The following SHROOM4 variants were observed in gnomAD, a reference collection of about 807,000 sequenced individuals.
The protein encoded by SHROOM4 is protein Shroom4.
In SHROOM4, 17 loss-of-function variants were observed where a neutral mutation model predicts 80.3. That is an observed-to-expected ratio of 0.21 (90% confidence interval 0.14 to 0.32). The LOEUF (loss-of-function observed/expected upper bound fraction) is 0.32. Among genes scored for constraint, SHROOM4 ranks in the 10% least tolerant of loss-of-function variants. SHROOM4 has a pLI of 1.00. For synonymous variants in SHROOM4, 400 were observed against 437.5 expected, an observed-to-expected ratio of 0.91 and a Z score of 1.07; for missense variants, 993 against 1,140.3, an observed-to-expected ratio of 0.87 and a Z score of 1.86.
rs188598313 is a variant in SHROOM4 at position 50,763,233 on chromosome X, T to G, written c.117+50669A>C. Among the ~76,000 whole-genome samples, 8 of 111,854 alleles carry G rather than the reference T, an allele frequency of 7.2e-5. No individual in the cohort carries two copies. In the East Asian group the frequency reaches 2.0e-3, roughly 27 times the overall value. Reference sequence around the variant, plus strand: ...AATTTACAACTCCAGAATTTTCATTTGATTTTTCTTCTATAATTTCTCTCT... The same window carrying G: ...AATTTACAACTCCAGAATTTTCATTGGATTTTTCTTCTATAATTTCTCTCT... On this transcript the variant is annotated intron_variant, in intron 1 of 8. Transcript: ENST00000376020.
Position 50,598,140 on chromosome X carries a change from CA to C in SHROOM4, c.4212+125del, listed in dbSNP as rs782404428. On this transcript the variant is annotated intron_variant, in intron 8 of 8. Coordinates refer to ENST00000376020, the MANE Select transcript of SHROOM4 (RefSeq NM_020717.5). ...AGACATGAGCCACCGTGCCCATCCT[CA>C]GTGCTCACATGCTTTTAATCCCATG... The C allele has an allele frequency of 6.3e-6, 6 of 952,451 alleles. No individual in the cohort carries two copies. The East Asian group carries it at 1.6e-4, about 25-fold the overall frequency. The allele number at this position is 952,451 out of a possible 1,213,427, so 78.5% of individuals were successfully genotyped here.
At position 50,638,358 on chromosome X, in the gene SHROOM4, T is replaced by C. The variant is rs1557256564; in HGVS notation, c.270-50A>G. The C allele has an allele frequency of 2.5e-6, 3 of 1,203,858 alleles. No homozygotes were observed. In the Admixed American group the frequency reaches 6.5e-5, roughly 26 times the overall value. On this transcript the variant is annotated intron_variant, in intron 2 of 8. Transcript: ENST00000376020. ...TGGGCTGAAGGAACCAGAGCTGAAATCACTTCCCAGGCAGCTTCCGCCCCA... is the reference window on the plus strand; with the variant it reads ...TGGGCTGAAGGAACCAGAGCTGAAACCACTTCCCAGGCAGCTTCCGCCCCA...
chrX:50,634,970 C>A lies in SHROOM4; in HGVS notation c.1103G>T (p.Gly368Val). 8.3e-7 allele frequency: 1 copy of A among 1,211,955 alleles called. No homozygotes were observed. Among genetic ancestry groups the A allele is most frequent in the Non-Finnish European group, 1.1e-6 (1 of 895,555 alleles). The change falls in exon 4 of 9, where the codon GGA (glycine) becomes GTA (valine). Residue 368 changes from glycine (G) to valine (V), a missense_variant. Transcript: ENST00000376020. Reference sequence around the variant, plus strand: ...AGCTCTGTCACAGGCTTTTGGGGATCCAACAGCTTTGGTTGAGGCCTGCAT... The same window carrying A: ...AGCTCTGTCACAGGCTTTTGGGGATACAACAGCTTTGGTTGAGGCCTGCAT... ...LLMQASTKAV[G>V]SPKACDRASS...
chrX:50,809,746 G>A (rs1557273269), intron 1 of SHROOM4, among the ~76,000 whole-genome samples: 3 of 111,877 alleles, frequency 2.7e-5, no homozygotes, highest in African/African-American at 6.5e-5. Context: ...CCAAGAAAAG[G>A]GAAAATATGT....
At chrX:50,788,604 T>C (rs1186098911) in intron 1 of SHROOM4, among the ~76,000 whole-genome samples, 5 of 94,184 alleles carry the variant, frequency 5.3e-5, no homozygotes, top group African/African-American at 2.3e-4. Context: ...CGAGACTCCG[T>C]CTCAAAAAAA....
chrX:50,725,527 T>A (rs1755825823), intron 1 of SHROOM4, among the ~76,000 whole-genome samples: 1 of 112,460 alleles, frequency 8.9e-6, no homozygotes, highest in Non-Finnish European at 1.9e-5. Flanking sequence ...GGGAGGGACC[T>A]GGTGGGAGGT....
At chrX:50,602,017 T>C (rs1929437289) in intron 7 of SHROOM4, among the ~76,000 whole-genome samples, 1 of 111,762 alleles carries the variant, frequency 8.9e-6, no homozygotes, top group African/African-American at 3.3e-5. Flanking sequence ...CTGTAATCCC[T>C]GGGCAAATTC....
chrX:50,674,763 C>T (rs1557261137), intron 2 of SHROOM4, among the ~76,000 whole-genome samples: 1 of 111,666 alleles, frequency 9.0e-6, no homozygotes. Flanking sequence ...ATCATTCATT[C>T]CTTCATTAAT....
intron 1 of SHROOM4, among the ~76,000 whole-genome samples, chrX:50,721,450 T>C (rs1241552514): frequency 8.9e-6 from 1 of 112,208 alleles, no homozygotes; most frequent in Non-Finnish European, 1.9e-5. Flanking sequence ...TGTCCTGATG[T>C]TGCCATGGCA....
At chrX:50,777,140 G>A (rs1198564262) in intron 1 of SHROOM4, among the ~76,000 whole-genome samples, 1 of 111,589 alleles carries the variant, frequency 9.0e-6, no homozygotes, top group Non-Finnish European at 1.9e-5. Context: ...AGTCACACCT[G>A]TTGCTGATGG....
intron 2 of SHROOM4, among the ~76,000 whole-genome samples, chrX:50,666,786 G>T (rs1557260385): frequency 3.6e-5 from 4 of 110,792 alleles, no homozygotes; most frequent in Admixed American, 2.9e-4. Flanking sequence ...TTCAATGTGT[G>T]TAAATTTAAA....
intron 1 of SHROOM4, among the ~76,000 whole-genome samples, chrX:50,726,093 G>A (rs183287738): frequency 3.3e-4 from 37 of 112,117 alleles, no homozygotes; most frequent in African/African-American, 1.1e-3. Flanking sequence ...ATGCTTTAGC[G>A]AAGAGACTGG....
chrX:50,630,646 C>T (rs782771535), intron 4 of SHROOM4, among the ~76,000 whole-genome samples: 18 of 111,441 alleles, frequency 1.6e-4, no homozygotes, highest in Non-Finnish European at 2.8e-4. Flanking sequence ...ATATACCCAG[C>T]ACCTAGATTC....
chrX:50,596,228 A>G lies in SHROOM4; in HGVS notation c.*467T>C, dbSNP rs1254450202. The G allele has an allele frequency of 1.5e-5, 5 of 332,452 alleles. No individual in the cohort carries two copies. The East Asian group carries it at 3.9e-4, about 26-fold the overall frequency. 27.4% of individuals were successfully genotyped at this position (332,452 alleles called of 1,213,427 possible). A position where few individuals can be genotyped will look rare whatever the true frequency, so the allele number is the denominator to read the frequency against. ...TGGGTGAGGCCCTGAAACTGGTGCCAGGTGAATGCCCTCAAGGCAGCCAGC... is the reference window on the plus strand; with the variant it reads ...TGGGTGAGGCCCTGAAACTGGTGCCGGGTGAATGCCCTCAAGGCAGCCAGC... On this transcript the variant is annotated 3_prime_UTR_variant, in exon 9 of 9. Coordinates refer to ENST00000376020, the MANE Select transcript of SHROOM4 (RefSeq NM_020717.5).
In SHROOM4 at chrX:50,604,384, T is replaced by C. The variant is rs1409028668; in HGVS notation, c.3762-1571A>G. ...TTCCTCAAGGTCACCAGACATTAAA[T>C]GACAGACCTGCAATTTGCACCTGGA... On this transcript the variant is annotated intron_variant, in intron 6 of 8. Transcript: ENST00000376020. Among the ~76,000 whole-genome samples the C allele has an allele frequency of 2.7e-5, 3 of 111,993 alleles. No homozygotes were observed. In the Admixed American group the frequency reaches 2.8e-4, roughly 11 times the overall value.
In SHROOM4 at chrX:50,634,091, C is replaced by T; in HGVS notation, c.1982G>A (p.Arg661Lys). ...DKLFNKSMML[R>K]ARSSECLSQA... ...GCTGAGGCACTCGGAAGACCTAGCT[C>T]TGAGCATCATGCTTTTGTTGAAGAG... is the stretch of plus-strand genomic sequence containing the variant. Residue 661 changes from arginine (R) to lysine (K), a missense_variant, in exon 4 of 9, where the codon AGA becomes AAA. Transcript: ENST00000376020. 3 of 1,211,762 alleles carry T rather than the reference C, an allele frequency of 2.5e-6. No individual in the cohort carries two copies.
rs782314756 is a variant in SHROOM4, at chrX:50,633,293, T to C, written c.2780A>G (p.His927Arg). Residue 927 changes from histidine to arginine, a missense_variant, in exon 4 of 9, where the codon CAC becomes CGC. His to Arg is a conservative substitution (Grantham distance 29). Transcript: ENST00000376020. ...MMPNCYNCRC[H>R]HHQCIRCSVC... ...TGAACACCGAATGCATTGGTGGTGGTGGCACCGGCAGTTGTAGCAATTTGG... is the reference window on the plus strand; with the variant it reads ...TGAACACCGAATGCATTGGTGGTGGCGGCACCGGCAGTTGTAGCAATTTGG... The C allele has an allele frequency of 4.1e-6, 5 of 1,211,022 alleles. No individual in the cohort carries two copies. The highest frequency in any genetic ancestry group is 5.6e-6 in the Non-Finnish European group (5 of 895,265).
chrX:50,776,679 CT>C (rs781943189), intron 1 of SHROOM4, among the ~76,000 whole-genome samples: 3 of 110,591 alleles, frequency 2.7e-5, no homozygotes, highest in Non-Finnish European at 3.8e-5. Context: ...TCTCTAAAGA[CT>C]TTTTTTCTTT....
At chrX:50,687,267 C>CTTTTTTTTTTTTTTTTTT (rs1217867502) in intron 2 of SHROOM4, 3 of 88,818 alleles carry the variant, frequency 3.4e-5, no homozygotes, top group African/African-American at 1.4e-4. Context: ...ATTTTGGTGT[C>CTTTTTTTTTTTTTTTTTT]TTTTTTTTTT....
Sources: gnomAD v4.1 joint callset for allele counts (sites outside exome capture counted in the v4.1 genomes callset) on GRCh38, gnomAD v4.1.1 for gene constraint, MANE v1.5 for transcripts, NCBI Gene and HGNC (gene_info 2026-07-23, HGNC 2026-07-21) for gene names.